The following KIF5A variants were observed in gnomAD, a reference collection of about 807,000 sequenced individuals.
KIF5A encodes the protein kinesin heavy chain isoform 5A.
Under a neutral mutation model 141.3 loss-of-function variants are expected in KIF5A, and 35 were observed. The ratio of observed to expected loss-of-function variants is 0.25; its 90% CI spans 0.19 to 0.33. The LOEUF is 0.33. KIF5A is among the 10% of genes least tolerant of loss of function. KIF5A has a pLI of 1.00. For missense variants in KIF5A, 861 were observed against 1,314.3 expected (o/e 0.66, Z 5.33); for synonymous variants, 448 against 500.2 (o/e 0.90, Z 1.39).
Position 57,572,613 on chromosome 12 carries a change from C to T in KIF5A, c.1603C>T (p.Arg535Trp), listed in dbSNP as rs1055742325. The T allele has an allele frequency of 5.0e-6, 8 of 1,614,194 alleles. No individual in the cohort carries two copies. The highest frequency in any genetic ancestry group is 2.2e-5 in the South Asian group (2 of 91,082). ...TMLSLESELQ[R>W]LQEVSGHQRK... ...GCTGTCCCTGGAGTCTGAGTTGCAG[C>T]GGCTACAGGAGGTCAGTGGACACCA... is the stretch of plus-strand genomic sequence containing the variant. The change falls in exon 15 of 29, where the codon CGG becomes TGG. Residue 535 changes from arginine to tryptophan, a missense_variant. By Grantham distance (101) the Arg-to-Trp change is moderately radical (BLOSUM62 -3). Coordinates refer to ENST00000455537, the MANE Select transcript of KIF5A (RefSeq NM_004984.4). The surrounding 1 kb of genome is among the most constrained non-coding windows in gnomAD (Gnocchi z 4.2).
rs1332379789 is a variant in KIF5A at position 57,570,679 on chromosome 12, C to G, written c.1293+517C>G. Among the ~76,000 whole-genome samples the G allele has an allele frequency of 3.3e-5, 5 of 152,268 alleles. No homozygotes were observed. The East Asian group carries it at 5.8e-4, about 18-fold the overall frequency. ...GGATTACAGGCGTGAGCCACCGTGC[C>G]CGGCCTGTATATGTAATTATACATC... On this transcript the variant is annotated intron_variant, in intron 12 of 28. Coordinates refer to ENST00000455537, the MANE Select transcript of KIF5A (RefSeq NM_004984.4).
At chr12:57,571,504 A>G (rs1436051573) in intron 13 of KIF5A, 115 bp downstream of exon 13, 5 of 984,446 alleles carry the variant, frequency 5.1e-6, no homozygotes, top group Admixed American at 2.0e-5. Flanking sequence ...TTGGGGATTA[A>G]TCACTCCCCT....
At chr12:57,559,664 A>T (rs1881851826) in intron 1 of KIF5A, among the ~76,000 whole-genome samples, 1 of 152,148 alleles carries the variant, frequency 6.6e-6, no homozygotes, top group Non-Finnish European at 1.5e-5. Context: ...GTCACTCCTG[A>T]AAGCTCCTTC....
Position 57,572,222 on chromosome 12 carries a change from G to GA in KIF5A, c.1525dup (p.Ser509LysfsTer10). 6.2e-7 allele frequency: 1 copy of GA among 1,610,772 alleles called. No homozygotes were observed. The highest frequency in any genetic ancestry group is 8.5e-7 in the Non-Finnish European group (1 of 1,178,448). On this transcript the variant is annotated frameshift_variant, in exon 14 of 29. Coordinates refer to ENST00000455537, the MANE Select transcript of KIF5A (RefSeq NM_004984.4). LOFTEE classifies it high-confidence loss of function. This position sits in a 1 kb window ranked among gnomAD's most constrained non-coding sequence, Gnocchi z 4.2. ...AGAAGTCCCAGGAGGTGGAGGAGAA[G>GA]AGCCAGCAGAACCAGCTTCTGGTGG... is the stretch of plus-strand genomic sequence containing the variant.
intron 13 of KIF5A, 67 bp downstream of exon 13, chr12:57,571,456 G>T: frequency 1.3e-6 from 2 of 1,545,860 alleles, no homozygotes; most frequent in South Asian, 1.1e-5. Flanking sequence ...GCATGGAATA[G>T]ACCTTTTTAA....
At chr12:57,555,944 AAAAG>A (rs1213583100) in intron 1 of KIF5A, among the ~76,000 whole-genome samples, 1 of 151,544 alleles carries the variant, frequency 6.6e-6, no homozygotes, top group Non-Finnish European at 1.5e-5. Flanking sequence ...AGAAAGAAAA[AAAAG>A]AAAAAACAAA....
intron 1 of KIF5A, among the ~76,000 whole-genome samples, chr12:57,558,942 A>AT (rs954997461): frequency 9.3e-5 from 14 of 150,834 alleles, no homozygotes; most frequent in South Asian, 6.3e-4. Context: ...ACACCTGGCT[A>AT]TTTTTTTTTA....
chr12:57,567,233 G>A lies in KIF5A; in HGVS notation c.589+20G>A, dbSNP rs931647152. The stretch of plus-strand genomic sequence containing the variant: ...TCACCAGTGAGTGAGGATACAAGGG[G>A]ATCTCTCGAGTCTGAGGATCCACTT... On this transcript the variant is annotated intron_variant, in intron 7 of 28. Transcript: ENST00000455537. 4 of 1,576,056 alleles carry A rather than the reference G, an allele frequency of 2.5e-6. No individual in the cohort carries two copies. Among genetic ancestry groups the A allele is most frequent in the Non-Finnish European group, 3.5e-6 (4 of 1,146,234 alleles).
intron 24 of KIF5A, 68 bp from the exon 25 acceptor site, chr12:57,581,347 T>C: frequency 1.2e-6 from 2 of 1,602,484 alleles, no homozygotes; most frequent in African/African-American, 1.3e-5. Context: ...CCCAGCTAAA[T>C]GACCTCAGGG....
rs774474708 is a variant in KIF5A at position 57,576,346 on chromosome 12, C to T, written c.2166C>T (p.Asn722=). 1.3e-5 allele frequency: 21 copies of T among 1,613,824 alleles called. No homozygotes were observed. The Middle Eastern group carries it at 4.9e-4, about 38-fold the overall frequency. ...RQLARLRDEI[N]EKQKTIDELK... is the part of the protein sequence containing the mutation. ...TGGCCCGGCTCCGGGACGAGATCAA[C>T]GAGAAGCAGAAGACCATTGATGAGC... Residue 722 remains asparagine, a synonymous_variant, in exon 19 of 29, where the codon AAC becomes AAT. Coordinates refer to ENST00000455537, the MANE Select transcript of KIF5A (RefSeq NM_004984.4).
chr12:57,581,571 G>A lies in KIF5A; in HGVS notation c.2909+3G>A, dbSNP rs1209784574. The A allele has an allele frequency of 6.2e-7, 1 of 1,613,922 alleles. No individual in the cohort carries two copies. The highest frequency in any genetic ancestry group is 1.7e-5 in the Admixed American group (1 of 60,022). ...CCCAGCTCCACCTCAGATATGTAGTGAGTGACCACACGTGTGGGTTGGAGT... is the reference window on the plus strand; with the variant it reads ...CCCAGCTCCACCTCAGATATGTAGTAAGTGACCACACGTGTGGGTTGGAGT... On this transcript the variant is annotated splice_donor_region_variant and intron_variant, in intron 25 of 28. Transcript: ENST00000455537.
intron 8 of KIF5A, 50 bp from the exon 9 acceptor site, chr12:57,568,913 C>G (rs552054553): frequency 4.4e-5 from 57 of 1,289,230 alleles, no homozygotes; most frequent in Non-Finnish European, 6.0e-5. Context: ...GGTGACAGCC[C>G]TCTCCATGTG....
intron 1 of KIF5A, among the ~76,000 whole-genome samples, chr12:57,555,155 A>G (rs1380623667): frequency 2.0e-5 from 3 of 152,156 alleles, no homozygotes; most frequent in African/African-American, 4.8e-5. Context: ...CTAACTATCT[A>G]TATACTCCCC....
rs368487667 is a variant in KIF5A, at chr12:57,577,230, A to C, written c.2300+368A>C. On this transcript the variant is annotated intron_variant, in intron 20 of 28. Coordinates refer to ENST00000455537, the MANE Select transcript of KIF5A (RefSeq NM_004984.4). ...TAGTAGAATCATAGGCTTTTTATAA[A>C]AACTCACCTTATGTCTCTCTTTAAA... Among the ~76,000 whole-genome samples the C allele has an allele frequency of 2.4e-4, 36 of 152,344 alleles. 3 individuals are homozygous for C. In the East Asian group the frequency reaches 2.5e-3, roughly 11 times the overall value.
chr12:57,561,310 G>T (rs1467652114), intron 1 of KIF5A, among the ~76,000 whole-genome samples: 4 of 152,154 alleles, frequency 2.6e-5, no homozygotes, highest in African/African-American at 9.7e-5. Context: ...AAAGTGCTGG[G>T]ATTACATGCA....
intron 23 of KIF5A, 72 bp downstream of exon 23, chr12:57,578,414 C>T (rs1391536076): frequency 2.0e-6 from 2 of 1,023,450 alleles, no homozygotes; most frequent in East Asian, 4.8e-5. Flanking sequence ...CTCAGAGGCC[C>T]CTTGGATTCA....
intron 17 of KIF5A, 117 bp from the exon 18 acceptor site, chr12:57,575,970 A>C: frequency 9.6e-7 from 1 of 1,044,480 alleles, no homozygotes; most frequent in Non-Finnish European, 1.5e-6. Context: ...CAGTCCTAAC[A>C]CAGAAGAACA....
At chr12:57,553,129 G>A (rs773813338) in intron 1 of KIF5A, among the ~76,000 whole-genome samples, 3 of 151,840 alleles carry the variant, frequency 2.0e-5, no homozygotes, top group African/African-American at 4.8e-5. Context: ...TGACTTTTTC[G>A]CCAGACCCAT....
chr12:57,550,220 C>T lies in KIF5A; in HGVS notation c.-52C>T. ...GCTGAGAGCCCTCTCCTCTGGAGCA[C>T]ACACCACCCCTGCAGCCCAAGAAGA... On this transcript the variant is annotated 5_prime_UTR_variant, in exon 1 of 29. Transcript: ENST00000455537. This position sits in a 1 kb window ranked among gnomAD's most constrained non-coding sequence, Gnocchi z 4.6. 2 of 1,612,186 alleles carry T rather than the reference C, an allele frequency of 1.2e-6. No individual in the cohort carries two copies. Among genetic ancestry groups the T allele is most frequent in the Non-Finnish European group, 8.5e-7 (1 of 1,179,656 alleles).
Sources: allele counts gnomAD v4.1 joint callset (sites outside exome capture counted in the v4.1 genomes callset), GRCh38; gene constraint gnomAD v4.1.1; non-coding constraint Gnocchi (gnomAD v3.1); transcripts MANE v1.5; gene names NCBI Gene and HGNC (gene_info 2026-07-23, HGNC 2026-07-21).